The following SCRG1 variants were observed in gnomAD, a reference collection of about 807,000 sequenced individuals.
The protein encoded by SCRG1 is stimulator of chondrogenesis 1.
Under a neutral mutation model 7.7 loss-of-function variants are expected in SCRG1, and 3 were observed. The observed-to-expected ratio is 0.39, with a 90% CI of 0.18 to 1.01. The LOEUF is 1.01. Ranked by LOEUF, SCRG1 falls within the 50% of genes least tolerant of loss-of-function variation. The pLI is 0.36. For missense variants in SCRG1, 110 were observed against 117.2 expected (o/e 0.94, Z 0.28); for synonymous variants, 46 against 41.2 (o/e 1.12, Z -0.44).
At chr4:173,479,183 G>A in the SCRG1 span, among the ~76,000 whole-genome samples, 49 of 152,242 alleles carry the variant, frequency 3.2e-4, no homozygotes, top group East Asian at 9.1e-3. Flanking sequence ...TAAAGAAGGG[G>A]ACTCCTGCAC....
chr4:173,420,237 C>T, the SCRG1 span: 1 of 276,352 alleles, frequency 3.6e-6, no homozygotes. Flanking sequence ...ATTCCCTTTA[C>T]CTTGATCTAC....
At chr4:173,476,363 AAT>A in the SCRG1 span, among the ~76,000 whole-genome samples, 29 of 98,504 alleles carry the variant, frequency 2.9e-4, 2 homozygotes, top group African/African-American at 8.4e-4. Context: ...GGAAAAAAAA[AAT>A]ATATATATAT....
chr4:173,451,984 T>G, the SCRG1 span, among the ~76,000 whole-genome samples: 7 of 152,126 alleles, frequency 4.6e-5, no homozygotes, highest in African/African-American at 1.4e-4. Flanking sequence ...GTTTACTGAT[T>G]TTAAGGATGC....
chr4:173,403,628 A>G (rs891098458), upstream of SCRG1, among the ~76,000 whole-genome samples: 2 of 152,170 alleles, frequency 1.3e-5, no homozygotes, highest in African/African-American at 2.4e-5. Context: ...AAAACTATCC[A>G]CTTTTAGGAG....
chr4:173,484,517 C>T, the SCRG1 span, among the ~76,000 whole-genome samples: 76 of 61,794 alleles, frequency 1.2e-3, no homozygotes, highest in South Asian at 4.4e-3. Flanking sequence ...ATATTATATA[C>T]ATATAATATA....
chr4:173,500,431 G>A, the SCRG1 span, among the ~76,000 whole-genome samples: 2 of 152,082 alleles, frequency 1.3e-5, no homozygotes, highest in Admixed American at 6.6e-5. Flanking sequence ...ATTTTATTTC[G>A]TGCAGAATTC....
the SCRG1 span, chr4:173,468,598 C>G: frequency 6.6e-6 from 1 of 152,196 alleles, no homozygotes; most frequent in Admixed American, 6.5e-5. Context: ...AGGCTAGGCT[C>G]TCTACCCTAT....
the SCRG1 span, among the ~76,000 whole-genome samples, chr4:173,414,321 G>T: frequency 1.3e-5 from 2 of 152,142 alleles, no homozygotes; most frequent in Non-Finnish European, 2.9e-5. Flanking sequence ...AATCAACAGA[G>T]GATAATTCCA....
chr4:173,459,816 A>C, the SCRG1 span, among the ~76,000 whole-genome samples: 1 of 152,188 alleles, frequency 6.6e-6, no homozygotes, highest in Non-Finnish European at 1.5e-5. Context: ...GGTGGAAGAA[A>C]TAAGTTCTGG....
the SCRG1 span, among the ~76,000 whole-genome samples, chr4:173,416,629 A>G: frequency 6.6e-6 from 1 of 152,178 alleles, no homozygotes; most frequent in African/African-American, 2.4e-5. Context: ...TAAAAATAAT[A>G]AAAATAAATT....
chr4:173,485,069 T>TTATATAA, the SCRG1 span, among the ~76,000 whole-genome samples: 1 of 4,614 alleles, frequency 2.2e-4, no homozygotes, highest in Non-Finnish European at 5.9e-4. Context: ...ATATTATATA[T>TTATATAA]TATATATTAT....
chr4:173,476,355 A>G, the SCRG1 span, among the ~76,000 whole-genome samples: 8 of 24,384 alleles, frequency 3.3e-4, no homozygotes, highest in Non-Finnish European at 5.2e-4. Context: ...TCTGAGGGGG[A>G]AAAAAAAAAT....
chr4:173,470,253 G>A, the SCRG1 span, among the ~76,000 whole-genome samples: 3 of 151,396 alleles, frequency 2.0e-5, no homozygotes, highest in Admixed American at 6.6e-5. Flanking sequence ...TATAAGAACA[G>A]AAGATAACAA....
the SCRG1 span, among the ~76,000 whole-genome samples, chr4:173,433,210 T>A: frequency 6.6e-6 from 1 of 152,224 alleles, no homozygotes; most frequent in Non-Finnish European, 1.5e-5. Context: ...GAATATTATA[T>A]GTGTGTTGGG....
At chr4:173,498,729 T>C in the SCRG1 span, among the ~76,000 whole-genome samples, 1 of 152,222 alleles carries the variant, frequency 6.6e-6, no homozygotes, top group Admixed American at 6.5e-5. Context: ...CATCTGTATA[T>C]GTATGTATAT....
the SCRG1 span, among the ~76,000 whole-genome samples, chr4:173,493,284 C>G: frequency 3.9e-5 from 6 of 152,262 alleles, no homozygotes; most frequent in South Asian, 1.2e-3. Flanking sequence ...AGGTGTGTGG[C>G]ACTTCCCCCC....
the SCRG1 span, among the ~76,000 whole-genome samples, chr4:173,466,421 A>G: frequency 6.6e-6 from 1 of 152,182 alleles, no homozygotes; most frequent in Non-Finnish European, 1.5e-5. Flanking sequence ...TACTGTTCAC[A>G]ACACTTTTTC....
At chr4:173,501,598 A>AG in the SCRG1 span, among the ~76,000 whole-genome samples, 1 of 152,006 alleles carries the variant, frequency 6.6e-6, no homozygotes, top group Non-Finnish European at 1.5e-5. The surrounding 1 kb of genome is among the most constrained non-coding windows in gnomAD (Gnocchi z 5.1). Context: ...TGGATTCAGA[A>AG]GGGGGGGCCG....
At chr4:173,445,455 G>A in the SCRG1 span, among the ~76,000 whole-genome samples, 3 of 151,724 alleles carry the variant, frequency 2.0e-5, no homozygotes, top group East Asian at 2.0e-4. Context: ...GGTGGCAGGC[G>A]CCTGTAATCC....
Sources: gnomAD v4.1 joint callset for allele counts (sites outside exome capture counted in the v4.1 genomes callset) on GRCh38, gnomAD v4.1.1 for gene constraint, Gnocchi (gnomAD v3.1) non-coding constraint, MANE v1.5 for transcripts, NCBI Gene and HGNC (gene_info 2026-07-23, HGNC 2026-07-21) for gene names.